The following ADGRA3 variants were observed in gnomAD, a reference collection of about 807,000 sequenced individuals.
The protein encoded by ADGRA3 is G-protein coupled receptor 125.
ADGRA3 carries 56 observed loss-of-function variants against 119.8 expected under a neutral mutation model. The ratio of observed to expected loss-of-function variants is 0.47; its 90% CI spans 0.38 to 0.58. ADGRA3 has a LOEUF of 0.58. Ranked by LOEUF, ADGRA3 falls within the 20% of genes least tolerant of loss-of-function variation. The pLI is 0.00. For missense variants in ADGRA3, 1,516 were observed against 1,649.0 expected (o/e 0.92, Z 1.40); for synonymous variants, 607 against 623.8 (o/e 0.97, Z 0.40).
chr4:22,510,800 T>C (rs1719423803), intron 1 of ADGRA3, among the ~76,000 whole-genome samples: 1 of 152,114 alleles, frequency 6.6e-6, no homozygotes, highest in Admixed American at 6.5e-5. Context: ...CACTGATCTC[T>C]CCCCTGTTTG....
At chr4:22,469,657 G>A (rs36014254) in intron 2 of ADGRA3, among the ~76,000 whole-genome samples, 1,625 of 152,218 alleles carry the variant, frequency 0.011, 18 homozygotes, top group South Asian at 0.055. Flanking sequence ...ACAGGATACC[G>A]TAATCTCTGC....
intron 3 of ADGRA3, among the ~76,000 whole-genome samples, chr4:22,459,966 C>T (rs1717382892): frequency 6.6e-6 from 1 of 152,170 alleles, no homozygotes; most frequent in Non-Finnish European, 1.5e-5. Flanking sequence ...CCCTGACCGG[C>T]CTGATCTCCC....
chr4:22,435,473 T>G lies in ADGRA3; in HGVS notation c.1288-7A>C. On this transcript the variant is annotated splice_region_variant and splice_polypyrimidine_tract_variant and intron_variant, in intron 9 of 18. Coordinates refer to ENST00000334304, the MANE Select transcript of ADGRA3 (RefSeq NM_145290.4). ...TGGTAAGATTGAGGGGCATCTACATTTCAAAGGCAAAAATGATCAACAAAA... is the reference window on the plus strand; with the variant it reads ...TGGTAAGATTGAGGGGCATCTACATGTCAAAGGCAAAAATGATCAACAAAA... 1.9e-6 allele frequency: 3 copies of G among 1,573,230 alleles called. No individual in the cohort carries two copies. Among genetic ancestry groups the G allele is most frequent in the Non-Finnish European group, 2.6e-6 (3 of 1,149,962 alleles).
chr4:22,454,858 A>G lies in ADGRA3; in HGVS notation c.473+8T>C, dbSNP rs1034282554. Reference sequence around the variant, plus strand: ...TATCTTTTAATGGGAAAGAAAAGATATACTTACAGCCGAACCAGATTGGTG... The same window carrying G: ...TATCTTTTAATGGGAAAGAAAAGATGTACTTACAGCCGAACCAGATTGGTG... On this transcript the variant is annotated splice_region_variant and intron_variant, in intron 4 of 18. Coordinates refer to ENST00000334304, the MANE Select transcript of ADGRA3 (RefSeq NM_145290.4). 2.5e-6 allele frequency: 4 copies of G among 1,603,962 alleles called. No homozygotes were observed. Among genetic ancestry groups the G allele is most frequent in the Non-Finnish European group, 3.4e-6 (4 of 1,170,868 alleles).
In ADGRA3 at chr4:22,515,799, C is replaced by A; in HGVS notation, c.-15G>T. ...GGTGGCTCCATGCTGCGGGCCGGGG[C>A]CTGCGGGGCGAGCGGCGGCGCACTG... On this transcript the variant is annotated 5_prime_UTR_variant, in exon 1 of 19. Coordinates refer to ENST00000334304, the MANE Select transcript of ADGRA3 (RefSeq NM_145290.4). 1 of 996,696 alleles carries A rather than the reference C, an allele frequency of 1.0e-6. No homozygotes were observed. Among genetic ancestry groups the A allele is most frequent in the Non-Finnish European group, 1.2e-6 (1 of 840,908 alleles). 61.7% of individuals were successfully genotyped at this position (996,696 alleles called of 1,614,324 possible).
At chr4:22,464,224 C>T (rs1376543041) in intron 2 of ADGRA3, among the ~76,000 whole-genome samples, 2 of 152,190 alleles carry the variant, frequency 1.3e-5, no homozygotes, top group African/African-American at 4.8e-5. Flanking sequence ...AATCAGAATT[C>T]TGAAAACTTC....
intron 16 of ADGRA3, among the ~76,000 whole-genome samples, chr4:22,395,212 G>T (rs934897507): frequency 2.0e-5 from 3 of 152,078 alleles, no homozygotes; most frequent in Non-Finnish European, 4.4e-5. Flanking sequence ...TGTAAAATGG[G>T]TATAAAATAA....
intron 1 of ADGRA3, among the ~76,000 whole-genome samples, chr4:22,500,234 G>A (rs893869670): frequency 1.3e-5 from 2 of 152,176 alleles, no homozygotes; most frequent in African/African-American, 4.8e-5. Flanking sequence ...AGCACTTAAG[G>A]TGTCACTTTC....
chr4:22,389,451 C>T (rs533025217), intron 17 of ADGRA3, among the ~76,000 whole-genome samples: 6 of 150,756 alleles, frequency 4.0e-5, no homozygotes, highest in South Asian at 4.2e-4. Flanking sequence ...TGTGGACAGG[C>T]AAAGTAACAC....
chr4:22,443,038 A>C (rs1195855976), intron 6 of ADGRA3, 175 bp from the exon 7 acceptor site: 1 of 682,082 alleles, frequency 1.5e-6, no homozygotes, highest in Non-Finnish European at 2.6e-6. Flanking sequence ...ATAACAGATT[A>C]AAACAAAATT....
chr4:22,420,194 C>G (rs1715593986), intron 12 of ADGRA3: 1 of 152,150 alleles, frequency 6.6e-6, no homozygotes, highest in Non-Finnish European at 1.5e-5. Context: ...AGATTAAAAA[C>G]CGCAGAGAAT....
intron 1 of ADGRA3, among the ~76,000 whole-genome samples, chr4:22,491,108 A>G (rs2109149065): frequency 6.6e-6 from 1 of 152,354 alleles, no homozygotes; most frequent in East Asian, 1.9e-4. Flanking sequence ...AATGTGTGCC[A>G]CATTAAATAA....
intron 1 of ADGRA3, among the ~76,000 whole-genome samples, chr4:22,497,962 C>T (rs1718902301): frequency 6.8e-6 from 1 of 146,242 alleles, no homozygotes; most frequent in South Asian, 2.2e-4. Context: ...AAAAAAAGGC[C>T]GGGGACAGTG....
In ADGRA3 at chr4:22,413,204, A is replaced by T. The variant is rs763806214; in HGVS notation, c.2210T>A (p.Leu737His). 6.2e-7 allele frequency: 1 copy of T among 1,613,514 alleles called. No individual in the cohort carries two copies. Among genetic ancestry groups the T allele is most frequent in the Admixed American group, 1.7e-5 (1 of 60,014 alleles). ...ENITTIQCYSLSNYAVLMDLT... is the reference protein window; with the variant it reads ...ENITTIQCYSHSNYAVLMDLT... ...TACCATTAAAACTGCATAGTTACTA[A>T]GGGAGTAGCACTGAATCGTAGTGAT... Residue 737 changes from leucine (L) to histidine (H), a missense_variant, in exon 14 of 19, where the codon CTT becomes CAT. This residue lies in a region of ADGRA3 where 1,088 missense variants were observed against 1,107.1 expected (regional missense o/e 0.98). Coordinates refer to ENST00000334304, the MANE Select transcript of ADGRA3 (RefSeq NM_145290.4).
At chr4:22,444,748 T>C (rs1217687061) in intron 6 of ADGRA3, among the ~76,000 whole-genome samples, 2 of 151,840 alleles carry the variant, frequency 1.3e-5, no homozygotes, top group Non-Finnish European at 2.9e-5. Flanking sequence ...AGAAAGCTGA[T>C]GTGAACCTAA....
intron 4 of ADGRA3, among the ~76,000 whole-genome samples, chr4:22,448,312 G>A (rs1716903668): frequency 6.6e-6 from 1 of 152,166 alleles, no homozygotes; most frequent in African/African-American, 2.4e-5. Flanking sequence ...TGCTCAGGAT[G>A]TACACCTCAA....
chr4:22,513,345 G>A (rs1396435117), intron 1 of ADGRA3, among the ~76,000 whole-genome samples: 1 of 151,538 alleles, frequency 6.6e-6, no homozygotes, highest in Non-Finnish European at 1.5e-5. Flanking sequence ...AGTAGAGATG[G>A]GGCTTTAAGC....
intron 16 of ADGRA3, among the ~76,000 whole-genome samples, chr4:22,397,597 T>C (rs987971757): frequency 1.3e-5 from 2 of 152,114 alleles, no homozygotes; most frequent in South Asian, 4.2e-4. Context: ...ACCCAAATCT[T>C]GAATTGTAGC....
At chr4:22,463,870 G>A (rs955447531) in intron 2 of ADGRA3, among the ~76,000 whole-genome samples, 1 of 152,174 alleles carries the variant, frequency 6.6e-6, no homozygotes, top group Non-Finnish European at 1.5e-5. Flanking sequence ...TCCAAGCTAT[G>A]TGTGCTGTTT....
Sources: gnomAD v4.1 joint callset for allele counts (sites outside exome capture counted in the v4.1 genomes callset) on GRCh38, gnomAD v4.1.1 for gene constraint, gnomAD v4.1.1 regional missense constraint, MANE v1.5 for transcripts, NCBI Gene and HGNC (gene_info 2026-07-23, HGNC 2026-07-21) for gene names.